The following PDIA4 variants were observed in gnomAD, a reference collection of about 807,000 sequenced individuals.
The protein encoded by PDIA4 is protein disulfide isomerase family A member 4, also known as protein disulfide-isomerase A4.
A neutral mutation model predicts 62.1 loss-of-function variants in PDIA4; 33 were observed. That is an observed-to-expected ratio of 0.53 (90% CI 0.40 to 0.71). The LOEUF (loss-of-function observed/expected upper bound fraction) is 0.71, where lower values mean the gene tolerates loss of function less well. Among genes scored for constraint, PDIA4 ranks in the 30% least tolerant of loss-of-function variants. The probability of loss-of-function intolerance (pLI) is 0.00; values close to 1 mark genes in which losing one functional copy is unlikely to be tolerated. For synonymous variants in PDIA4, 341 were observed against 324.1 expected, an observed-to-expected ratio of 1.05 and a Z score of -0.56; for missense variants, 804 against 813.6, an observed-to-expected ratio of 0.99 and a Z score of 0.14.
At chr7:149,021,800 C>G (rs1055396399) in intron 1 of PDIA4, among the ~76,000 whole-genome samples, 2 of 152,176 alleles carry the variant, frequency 1.3e-5, no homozygotes, top group Admixed American at 6.5e-5. Flanking sequence ...TGAGCCCAGA[C>G]AGCCTCCGCA....
intron 1 of PDIA4, among the ~76,000 whole-genome samples, chr7:149,023,141 C>T (rs986238278): frequency 1.3e-5 from 2 of 152,162 alleles, no homozygotes; most frequent in Admixed American, 1.3e-4. Context: ...AGAAAGACAG[C>T]CTGGGCGCAG....
chr7:149,025,765 A>C (rs927066350), intron 1 of PDIA4, among the ~76,000 whole-genome samples: 1 of 152,228 alleles, frequency 6.6e-6, no homozygotes, highest in African/African-American at 2.4e-5. Flanking sequence ...TCCGAAAATA[A>C]TTATGTCTCA....
chr7:149,025,935 G>C (rs1164306960), intron 1 of PDIA4, among the ~76,000 whole-genome samples: 2 of 152,012 alleles, frequency 1.3e-5, no homozygotes, highest in African/African-American at 4.8e-5. Context: ...GATGTGTAGA[G>C]TGCAGGCACC....
rs1824247717 is a variant in PDIA4 at position 149,019,022 on chromosome 7, C to T, written c.445G>A (p.Val149Ile). The change falls in exon 3 of 10, where the codon GTA (valine) becomes ATA (isoleucine). Residue 149 changes from valine to isoleucine, a missense_variant. Coordinates refer to ENST00000652332, the MANE Select transcript of PDIA4 (RefSeq NM_004911.5). ...TGGGTTCTGGAGCCCTCGTAGTCTA[C>T]AGCCTGCCCCTTCTTAAGGATCTTG... ...TIKILKKGQA[V>I]DYEGSRTQEE... The T allele has an allele frequency of 1.2e-6, 2 of 1,613,638 alleles. No homozygotes were observed. The highest frequency in any genetic ancestry group is 1.1e-5 in the South Asian group (1 of 91,054).
rs375424858 is a variant in PDIA4 at position 149,019,708 on chromosome 7, G to A, written c.270-511C>T. ...CGCCTGTAATCCCAGCTACTCAGGAGGCTGAGGCACAAGAATTGCTTGAAC... is the reference window on the plus strand; with the variant it reads ...CGCCTGTAATCCCAGCTACTCAGGAAGCTGAGGCACAAGAATTGCTTGAAC... On this transcript the variant is annotated intron_variant, in intron 2 of 9. Transcript: ENST00000652332. Among the ~76,000 whole-genome samples the A allele has an allele frequency of 1.2e-4, 18 of 152,264 alleles. No individual in the cohort carries two copies. In the South Asian group the frequency reaches 3.7e-3, roughly 32 times the overall value.
chr7:149,008,692 C>A (rs775128549), intron 6 of PDIA4, among the ~76,000 whole-genome samples: 4 of 148,538 alleles, frequency 2.7e-5, no homozygotes, highest in Non-Finnish European at 5.9e-5. Context: ...GCCTGGGCGA[C>A]AGAGTGAGAC....
At chr7:149,006,124 G>A in intron 7 of PDIA4, 71 bp from the exon 8 acceptor site, 2 of 1,476,856 alleles carry the variant, frequency 1.4e-6, no homozygotes, top group Non-Finnish European at 1.8e-6. Flanking sequence ...CAATGTTTGA[G>A]GGACTTTGGG....
At chr7:149,022,804 C>A (rs920690712) in intron 1 of PDIA4, among the ~76,000 whole-genome samples, 2 of 152,140 alleles carry the variant, frequency 1.3e-5, no homozygotes, top group Non-Finnish European at 2.9e-5. Flanking sequence ...CTGTGCCGGG[C>A]AGGGAGAAGG....
At chr7:149,015,899 C>A (rs1203917658) in intron 3 of PDIA4, among the ~76,000 whole-genome samples, 4 of 152,246 alleles carry the variant, frequency 2.6e-5, no homozygotes, top group Non-Finnish European at 5.9e-5. Context: ...CAAAACATAG[C>A]ATACACTGCT....
rs1355831670 is a variant in PDIA4, at chr7:149,003,257, C to G, written c.*537G>C. 2.6e-5 allele frequency: 4 copies of G among 156,340 alleles called. No homozygotes were observed. Among genetic ancestry groups the G allele is most frequent in the Non-Finnish European group, 5.9e-5 (4 of 68,296 alleles). 9.7% of individuals were successfully genotyped at this position (156,340 alleles called of 1,614,324 possible). A position where few individuals can be genotyped will look rare whatever the true frequency, so the allele number is the denominator to read the frequency against. On this transcript the variant is annotated 3_prime_UTR_variant, in exon 10 of 10. Transcript: ENST00000652332. ...GGGACCCTGGATCATGCCCCTTTGC[C>G]CCCAGCCCTTGGTTTGCAGGGAGGC...
At chr7:149,021,360 G>A (rs1038552521) in intron 1 of PDIA4, among the ~76,000 whole-genome samples, 2 of 151,870 alleles carry the variant, frequency 1.3e-5, no homozygotes, top group South Asian at 2.1e-4. Context: ...ATGGTGGCAC[G>A]CGCCTGTAGT....
Position 149,011,180 on chromosome 7 carries a change from G to A in PDIA4, c.979+666C>T, listed in dbSNP as rs532665841. The stretch of plus-strand genomic sequence containing the variant: ...AAGCTGGTTTTGGTGTAGTGGGAGA[G>A]GGTAGCACTCAGAAGACATCAATGA... On this transcript the variant is annotated intron_variant, in intron 6 of 9. Transcript: ENST00000652332. 5.3e-5 allele frequency among the ~76,000 whole-genome samples: 8 copies of A among 152,252 alleles called. No individual in the cohort carries two copies. In the South Asian group the frequency reaches 1.7e-3, roughly 32 times the overall value.
At chr7:149,007,891 G>A (rs1476776099) in intron 7 of PDIA4, among the ~76,000 whole-genome samples, 1 of 152,290 alleles carries the variant, frequency 6.6e-6, no homozygotes, top group African/African-American at 2.4e-5. Context: ...AAGGGTGGCA[G>A]CAACTGTTCT....
At chr7:149,025,996 A>C (rs542747573) in intron 1 of PDIA4, among the ~76,000 whole-genome samples, 1 of 152,040 alleles carries the variant, frequency 6.6e-6, no homozygotes, top group Admixed American at 6.5e-5. Flanking sequence ...ATCAGAGCTT[A>C]GGGTGTATTT....
At chr7:149,027,056 T>C (rs1408416131) in intron 1 of PDIA4, among the ~76,000 whole-genome samples, 1 of 152,186 alleles carries the variant, frequency 6.6e-6, no homozygotes, top group Non-Finnish European at 1.5e-5. Context: ...TTCCGCTATG[T>C]TCCAAAAAGC....
chr7:149,004,834 A>G (rs1823682765), intron 9 of PDIA4, among the ~76,000 whole-genome samples: 1 of 152,202 alleles, frequency 6.6e-6, no homozygotes, highest in Non-Finnish European at 1.5e-5. Context: ...GATGCTAGGT[A>G]AGCCCTGAGA....
At chr7:149,028,204 C>T (rs1824627836) in intron 1 of PDIA4, 117 bp downstream of exon 1, 1 of 703,698 alleles carries the variant, frequency 1.4e-6, no homozygotes, top group Non-Finnish European at 2.3e-6. Flanking sequence ...GCGCCCATCA[C>T]TAGTTCTGGA....
At chr7:149,005,487 T>G (rs1043709974) in intron 8 of PDIA4, 113 bp from the exon 9 acceptor site, 1 of 694,308 alleles carries the variant, frequency 1.4e-6, no homozygotes, top group Non-Finnish European at 2.5e-6. Flanking sequence ...GCTCAAACCC[T>G]GGATTTACCT....
intron 4 of PDIA4, 91 bp from the exon 5 acceptor site, chr7:149,012,451 C>T: frequency 1.8e-6 from 2 of 1,112,050 alleles, no homozygotes; most frequent in Non-Finnish European, 1.3e-6. Context: ...CCTGTGCTCC[C>T]TAGTAACCTG....
Sources: gnomAD v4.1 joint callset for allele counts (sites outside exome capture counted in the v4.1 genomes callset) on GRCh38, gnomAD v4.1.1 for gene constraint, MANE v1.5 for transcripts, NCBI Gene and HGNC (gene_info 2026-07-23, HGNC 2026-07-21) for gene names.